WDR73: variants seen among roughly 807,000 people sequenced by gnomAD.
WDR73 encodes the protein integrator complex assembly factor WDR73.
WDR73 carries 30 observed loss-of-function variants against 38.2 expected under a neutral mutation model. The ratio of observed to expected loss-of-function variants is 0.79; its 90% CI spans 0.59 to 1.06. The LOEUF (loss-of-function observed/expected upper bound fraction) is 1.06. Among genes scored for constraint, WDR73 ranks in the 50% least tolerant of loss-of-function variants. The pLI is 0.00. For missense variants in WDR73, 487 were observed against 467.0 expected (o/e 1.04, Z -0.40); for synonymous variants, 197 against 176.0 (o/e 1.12, Z -0.94).
Position 84,643,362 on chromosome 15 carries a change from C to T in WDR73, c.*108G>A. On this transcript the variant is annotated 3_prime_UTR_variant, in exon 8 of 8. Coordinates refer to ENST00000434634, the MANE Select transcript of WDR73 (RefSeq NM_032856.5). The stretch of plus-strand genomic sequence containing the variant: ...TGACGCTGGCAGACTTGCCCAAGGC[C>T]ACACAGCTGGTAACAGGGACTGGTA... 1 of 1,395,064 alleles carries T rather than the reference C, an allele frequency of 7.2e-7. No individual in the cohort carries two copies. Among genetic ancestry groups the T allele is most frequent in the Non-Finnish European group, 9.6e-7 (1 of 1,041,004 alleles). 86.4% of individuals were successfully genotyped at this position (1,395,064 alleles called of 1,614,324 possible).
At chr15:84,653,502 T>C (rs1460758117) in intron 2 of WDR73, 130 bp downstream of exon 2, 4 of 661,320 alleles carry the variant, frequency 6.0e-6, no homozygotes, top group Non-Finnish European at 1.1e-5. Flanking sequence ...TTAGTGCTGA[T>C]GGGGCATCAA....
At chr15:84,646,040 C>T (rs1022795646) in intron 6 of WDR73, 144 bp downstream of exon 6, 2 of 1,545,114 alleles carry the variant, frequency 1.3e-6, no homozygotes, top group African/African-American at 2.7e-5. Context: ...CATAGGAGCC[C>T]TTAGAGGCCA....
chr15:84,650,350 G>C (rs1401997306), intron 3 of WDR73, among the ~76,000 whole-genome samples: 2 of 105,966 alleles, frequency 1.9e-5, no homozygotes, highest in Non-Finnish European at 3.6e-5. Context: ...ACCACACCCG[G>C]CTAATTTTCT....
At position 84,653,640 on chromosome 15, in the gene WDR73, T is replaced by G; in HGVS notation, c.101A>C (p.Asp34Ala). ...CTAGAAAGGTATACCACCTTTGTCA[T>G]CAATCCATTCAAGGACTCGAGTGGC... ...SGATRVLEWIDDKGVFVAGYE... is the reference protein window; with the variant it reads ...SGATRVLEWIADKGVFVAGYE... Residue 34 changes from aspartate (D) to alanine (A), a missense_variant, in exon 2 of 8, where the codon GAT becomes GCT. Transcript: ENST00000434634. 6.3e-7 allele frequency: 1 copy of G among 1,590,568 alleles called. No individual in the cohort carries two copies. The highest frequency in any genetic ancestry group is 8.6e-7 in the Non-Finnish European group (1 of 1,167,906).
Position 84,643,507 on chromosome 15 carries a change from T to A in WDR73, c.1100A>T (p.His367Leu). Residue 367 changes from histidine to leucine, a missense_variant, in exon 8 of 8, where the codon CAT (histidine) becomes CTT (leucine). Coordinates refer to ENST00000434634, the MANE Select transcript of WDR73 (RefSeq NM_032856.5). Reference protein sequence around the residue: ...LLSATNDASLHVWDWVDLCAP... With the variant: ...LLSATNDASLLVWDWVDLCAP... ...ACAAAGGTCCACCCAGTCCCACACATGCAGAGAGGCATCATTTGTTGCTGA... is the reference window on the plus strand; with the variant it reads ...ACAAAGGTCCACCCAGTCCCACACAAGCAGAGAGGCATCATTTGTTGCTGA... 1 of 1,574,840 alleles carries A rather than the reference T, an allele frequency of 6.3e-7. No homozygotes were observed. Among genetic ancestry groups the A allele is most frequent in the Non-Finnish European group, 8.6e-7 (1 of 1,159,470 alleles).
chr15:84,654,034 TCA>T (rs1350989879), intron 1 of WDR73, 198 bp downstream of exon 1: 3 of 687,892 alleles, frequency 4.4e-6, no homozygotes, highest in African/African-American at 1.8e-5. Context: ...ACTAGTAATC[TCA>T]CAACGCGCGC....
rs370478223 is a variant in WDR73 at position 84,642,840 on chromosome 15, A to T, written c.*630T>A. On this transcript the variant is annotated 3_prime_UTR_variant, in exon 8 of 8. Transcript: ENST00000434634. ...GGTCTCAAACTCCTCAGCTCAAGCA[A>T]TCTGCCCACCTCAGCCTCTGAAAGT... 1 of 152,198 alleles carries T rather than the reference A, an allele frequency of 6.6e-6. No homozygotes were observed. Among genetic ancestry groups the T allele is most frequent in the South Asian group, 2.1e-4 (1 of 4,812 alleles). The allele number at this position is 152,198 out of a possible 1,614,324, so 9.4% of individuals were successfully genotyped here. A position where few individuals can be genotyped will look rare whatever the true frequency, so the allele number is the denominator to read the frequency against.
intron 3 of WDR73, among the ~76,000 whole-genome samples, chr15:84,651,109 C>CAA (rs1206249361): frequency 1.7e-5 from 2 of 120,880 alleles, no homozygotes; most frequent in Admixed American, 8.4e-5. Context: ...AGTGAGACCT[C>CAA]AAAAAAAAAA....
rs1339336913 is a variant in WDR73 at position 84,641,446 on chromosome 15, CTAAG to C, written c.*2020_*2023del. ...GTGGCACCCAGGAAAGCCTGTTCCC[CTAAG>C]TAAGTTTGAACTTTAGTTACTTGAA... On this transcript the variant is annotated 3_prime_UTR_variant, in exon 8 of 8. Transcript: ENST00000434634. 2.0e-5 allele frequency: 3 copies of C among 152,104 alleles called. No homozygotes were observed. The highest frequency in any genetic ancestry group is 3.9e-4 in the East Asian group (2 of 5,190). The allele number at this position is 152,104 out of a possible 1,614,324, so 9.4% of individuals were successfully genotyped here.
In WDR73 at chr15:84,646,250, GGAGGACTCCGGGTGCCAATGTGGA is replaced by G; in HGVS notation, c.427_450del (p.Ser143_Leu150del). Reference sequence around the variant, plus strand: ...TGCAGACTTCGGAGCCTCGCCCCATGGAGGACTCCGGGTGCCAATGTGGAGAAGACGGCCACCCTAGGCCAGAGA... The same window carrying G: ...TGCAGACTTCGGAGCCTCGCCCCATGGAAGACGGCCACCCTAGGCCAGAGA... On this transcript the variant is annotated inframe_deletion, in exon 6 of 8. Coordinates refer to ENST00000434634, the MANE Select transcript of WDR73 (RefSeq NM_032856.5). The G allele has an allele frequency of 6.2e-7, 1 of 1,613,946 alleles. No individual in the cohort carries two copies.
chr15:84,653,892 G>C (rs1896704919), intron 1 of WDR73, 193 bp from the exon 2 acceptor site: 4 of 617,484 alleles, frequency 6.5e-6, no homozygotes, highest in Non-Finnish European at 1.2e-5. Context: ...CGGTCCTCAT[G>C]TGTGGACGTC....
In WDR73 at chr15:84,648,154, A is replaced by G. The variant is rs530760675; in HGVS notation, c.288-200T>C. On this transcript the variant is annotated intron_variant, in intron 4 of 7. Transcript: ENST00000434634. ...TTAGGGAGACTGAGCCCAAGCTTCC[A>G]TGTGTCATGATGGTCACCTACAGAG... 16 of 618,956 alleles carry G rather than the reference A, an allele frequency of 2.6e-5. No individual in the cohort carries two copies. In the East Asian group the frequency reaches 4.4e-4, roughly 17 times the overall value. 38.3% of individuals were successfully genotyped at this position (618,956 alleles called of 1,614,324 possible).
rs62021208 is a variant in WDR73 at position 84,653,013 on chromosome 15, G to A, written c.110-211C>T. On this transcript the variant is annotated intron_variant, in intron 2 of 7. Transcript: ENST00000434634. ...AGCTCACTGCAGCCTCAACCTGCCA[G>A]GCTCAAGTGATCCTCCCACCACAGC... 0.23 allele frequency: 95,196 copies of A among 422,786 alleles called. 12,376 individuals are homozygous for A. The highest frequency in any genetic ancestry group is 0.38 in the Middle Eastern group (594 of 1,576). The allele number at this position is 422,786 out of a possible 1,614,324, so 26.2% of individuals were successfully genotyped here. A position where few individuals can be genotyped will look rare whatever the true frequency, so the allele number is the denominator to read the frequency against.
At position 84,646,306 on chromosome 15, in the gene WDR73, T is replaced by TC; in HGVS notation, c.394dup (p.Glu132GlyfsTer7). 6.2e-7 allele frequency: 1 copy of TC among 1,613,934 alleles called. No individual in the cohort carries two copies. Among genetic ancestry groups the TC allele is most frequent in the Non-Finnish European group, 8.5e-7 (1 of 1,179,866 alleles). On this transcript the variant is annotated frameshift_variant, in exon 6 of 8. Coordinates refer to ENST00000434634, the MANE Select transcript of WDR73 (RefSeq NM_032856.5). LOFTEE classifies it high-confidence loss of function. ...GGCCACCCTAGGCCAGAGACTCTCC[T>TC]CTTTCTCATGCACAGCAATGGTGCT...
intron 7 of WDR73, chr15:84,645,252 G>T: frequency 6.9e-7 from 1 of 1,442,446 alleles, no homozygotes; most frequent in Non-Finnish European, 9.1e-7. Context: ...CTGAATTCCT[G>T]CTAGGCTAGG....
intron 3 of WDR73, among the ~76,000 whole-genome samples, chr15:84,651,415 A>C (rs767503946): frequency 5.9e-5 from 9 of 152,196 alleles, no homozygotes; most frequent in Non-Finnish European, 1.2e-4. Flanking sequence ...TGACAGAGCA[A>C]GCCCTTGTCT....
chr15:84,645,632 A>G lies in WDR73; in HGVS notation c.722T>C (p.Ile241Thr), dbSNP rs1232653768. ...GSWGQGPGPSIASLGSDGRLC... is the reference protein window; with the variant it reads ...GSWGQGPGPSTASLGSDGRLC... ...ACGCCCATCTGAGCCAAGGCTGGCA[A>G]TGCTGGGCCCAGGGCCCTGGCCCCA... Residue 241 changes from isoleucine to threonine, a missense_variant, in exon 7 of 8, where the codon ATT (isoleucine) becomes ACT (threonine). By Grantham distance (89) the Ile-to-Thr change is moderately conservative. Coordinates refer to ENST00000434634, the MANE Select transcript of WDR73 (RefSeq NM_032856.5). The G allele has an allele frequency of 6.2e-7, 1 of 1,608,976 alleles. No homozygotes were observed. Among genetic ancestry groups the G allele is most frequent in the South Asian group, 1.1e-5 (1 of 90,342 alleles).
At chr15:84,646,010 A>T (rs763584849) in intron 6 of WDR73, 174 bp from the exon 7 acceptor site, 1 of 1,542,166 alleles carries the variant, frequency 6.5e-7, no homozygotes, top group South Asian at 1.2e-5. Context: ...GGTCCCTGGG[A>T]CTGCCTAATC....
intron 1 of WDR73, 95 bp from the exon 2 acceptor site, chr15:84,653,794 T>C (rs1279647882): frequency 3.1e-6 from 3 of 967,600 alleles, no homozygotes; most frequent in East Asian, 2.6e-5. Context: ...GCCCAAACTC[T>C]GGAGTCAGGC....
Sources: allele counts gnomAD v4.1 joint callset (sites outside exome capture counted in the v4.1 genomes callset), GRCh38; gene constraint gnomAD v4.1.1; transcripts MANE v1.5; gene names NCBI Gene and HGNC (gene_info 2026-07-23, HGNC 2026-07-21).